The following CADM2 variants were observed in gnomAD, a reference collection of about 807,000 sequenced individuals.
CADM2 encodes cell adhesion molecule 2.
A neutral mutation model predicts 49.8 loss-of-function variants in CADM2; 12 were observed. The observed-to-expected ratio is 0.24, with a 90% confidence interval of 0.15 to 0.39. CADM2 has a LOEUF of 0.39. Ranked by LOEUF, CADM2 falls within the 10% of genes least tolerant of loss-of-function variation. The pLI, the probability that CADM2 is intolerant of heterozygous loss-of-function variation, is 1.00. For missense variants in CADM2, 378 were observed against 492.3 expected (o/e 0.77, Z 2.20); for synonymous variants, 214 against 175.4 (o/e 1.22, Z -1.74).
intron 1 of CADM2, among the ~76,000 whole-genome samples, chr3:85,511,198 T>C (rs2040601930): frequency 6.6e-6 from 1 of 152,020 alleles, no homozygotes; most frequent in Non-Finnish European, 1.5e-5. Context: ...TCAAATTGGA[T>C]ATGGGTGGGA....
At chr3:85,038,497 G>T (rs1386322882) in intron 1 of CADM2, among the ~76,000 whole-genome samples, 1 of 152,114 alleles carries the variant, frequency 6.6e-6, no homozygotes, top group Non-Finnish European at 1.5e-5. Context: ...CCTGTTTCAG[G>T]CTGTAAACTC....
At chr3:85,373,029 C>T (rs1455538497) in intron 1 of CADM2, among the ~76,000 whole-genome samples, 1 of 152,070 alleles carries the variant, frequency 6.6e-6, no homozygotes, top group Non-Finnish European at 1.5e-5. Context: ...GTCTTGGCCC[C>T]TCCCAAATCC....
intron 1 of CADM2, among the ~76,000 whole-genome samples, chr3:85,450,071 G>A (rs559285816): frequency 7.2e-5 from 11 of 152,236 alleles, no homozygotes; most frequent in African/African-American, 2.6e-4. Flanking sequence ...AAATAAATGA[G>A]CTGCTTTCCT....
intron 5 of CADM2, among the ~76,000 whole-genome samples, chr3:85,891,442 A>G (rs1714422383): frequency 6.6e-6 from 1 of 152,182 alleles, no homozygotes; most frequent in Non-Finnish European, 1.5e-5. Context: ...CCCTTCCCCT[A>G]GCATGTAGGA....
chr3:85,814,609 A>G (rs1354583152), intron 3 of CADM2, among the ~76,000 whole-genome samples: 1 of 152,086 alleles, frequency 6.6e-6, no homozygotes, highest in Non-Finnish European at 1.5e-5. Flanking sequence ...TCAACAAAAC[A>G]GATAGACTGC....
chr3:85,338,206 T>A (rs2045143347), intron 1 of CADM2, among the ~76,000 whole-genome samples: 2 of 151,618 alleles, frequency 1.3e-5, no homozygotes, highest in Non-Finnish European at 3.0e-5. Context: ...TGGTTACATA[T>A]AAGCCTTTTC....
chr3:85,760,909 C>G (rs573806896), intron 2 of CADM2, among the ~76,000 whole-genome samples: 2 of 152,214 alleles, frequency 1.3e-5, no homozygotes, highest in South Asian at 4.1e-4. Flanking sequence ...GAAAGGTATA[C>G]ACCCTTTAAA....
At chr3:86,020,672 G>T (rs1294989643) in intron 8 of CADM2, among the ~76,000 whole-genome samples, 2 of 152,156 alleles carry the variant, frequency 1.3e-5, no homozygotes, top group East Asian at 3.9e-4. Context: ...GGGATGCAAG[G>T]CTGGTTCAAT....
intron 1 of CADM2, among the ~76,000 whole-genome samples, chr3:85,064,429 G>A (rs1353940474): frequency 6.6e-6 from 1 of 151,914 alleles, no homozygotes; most frequent in Non-Finnish European, 1.5e-5. Context: ...TATTTTTCTT[G>A]ATAGAATTAT....
At chr3:85,515,613 A>ATATG (rs201855295) in intron 1 of CADM2, among the ~76,000 whole-genome samples, 3,323 of 106,510 alleles carry the variant, frequency 0.031, 98 homozygotes, top group East Asian at 0.11. Flanking sequence ...GCCCACTAAT[A>ATATG]TATATATATA....
intron 1 of CADM2, among the ~76,000 whole-genome samples, chr3:85,382,033 C>A (rs910014606): frequency 6.6e-5 from 10 of 151,430 alleles, no homozygotes; most frequent in South Asian, 2.1e-4. Flanking sequence ...TAGGTGTGAT[C>A]AGTTATGAAA....
chr3:85,804,818 A>C (rs1294896724), intron 3 of CADM2, among the ~76,000 whole-genome samples: 1 of 152,112 alleles, frequency 6.6e-6, no homozygotes, highest in Non-Finnish European at 1.5e-5. Context: ...CTTTTTTCTG[A>C]GGGATAATTA....
At chr3:85,027,988 A>G (rs895410528) in intron 1 of CADM2, among the ~76,000 whole-genome samples, 6 of 152,118 alleles carry the variant, frequency 3.9e-5, no homozygotes, top group Non-Finnish European at 8.8e-5. Flanking sequence ...TTCCTTTCAA[A>G]TCATTTTGCT....
At chr3:85,473,833 A>T (rs1446602253) in intron 1 of CADM2, among the ~76,000 whole-genome samples, 1 of 152,070 alleles carries the variant, frequency 6.6e-6, no homozygotes, top group African/African-American at 2.4e-5. Context: ...ACAGTGGCCC[A>T]TGCCTGTACA....
At chr3:85,380,996 A>G (rs984136163) in intron 1 of CADM2, among the ~76,000 whole-genome samples, 6 of 152,086 alleles carry the variant, frequency 3.9e-5, no homozygotes, top group African/African-American at 1.2e-4. Context: ...ATGATATTTT[A>G]GAAGAGAAAC....
chr3:86,000,332 T>C (rs1441668898), intron 8 of CADM2, among the ~76,000 whole-genome samples: 1 of 152,174 alleles, frequency 6.6e-6, no homozygotes, highest in Non-Finnish European at 1.5e-5. Context: ...AAAAGAGGGC[T>C]TAGTAGGAAC....
At chr3:85,846,857 A>C (rs2074904557) in intron 3 of CADM2, among the ~76,000 whole-genome samples, 1 of 152,156 alleles carries the variant, frequency 6.6e-6, no homozygotes, top group African/African-American at 2.4e-5. Context: ...GTAAGATACC[A>C]TGTCTAAATA....
At chr3:85,471,592 T>G (rs2038768025) in intron 1 of CADM2, among the ~76,000 whole-genome samples, 1 of 152,052 alleles carries the variant, frequency 6.6e-6, no homozygotes, top group African/African-American at 2.4e-5. Context: ...TCCTAAGACT[T>G]TTCATCTTCT....
intron 1 of CADM2, among the ~76,000 whole-genome samples, chr3:85,479,770 T>C (rs1304389237): frequency 1.3e-5 from 2 of 151,960 alleles, no homozygotes; most frequent in African/African-American, 4.8e-5. Flanking sequence ...GTAACTCACT[T>C]AAGAATACTT....
Sources: gnomAD v4.1 joint callset for allele counts (sites outside exome capture counted in the v4.1 genomes callset) on GRCh38, gnomAD v4.1.1 for gene constraint, MANE v1.5 for transcripts, NCBI Gene and HGNC (gene_info 2026-07-23, HGNC 2026-07-21) for gene names.